The following CNTNAP3B variants were observed in gnomAD, a reference collection of about 807,000 sequenced individuals.
The protein encoded by CNTNAP3B is contactin associated protein family member 3B, also known as contactin-associated protein-like 3B.
In CNTNAP3B, 25 loss-of-function variants were observed where a neutral mutation model predicts 108.9. The observed-to-expected ratio is 0.23, with a 90% confidence interval of 0.17 to 0.32. The LOEUF is 0.32. Ranked by LOEUF, CNTNAP3B falls within the 10% of genes least tolerant of loss-of-function variation. The pLI is 1.00. For missense variants in CNTNAP3B, 252 were observed against 1,210.4 expected, an observed-to-expected ratio of 0.21 and a Z score of 11.75; for synonymous variants, 103 against 473.4, an observed-to-expected ratio of 0.22 and a Z score of 10.16.
intron 12 of CNTNAP3B, among the ~76,000 whole-genome samples, chr9:41,960,511 T>A (rs1426003908): frequency 6.6e-6 from 1 of 152,232 alleles, no homozygotes. Context: ...TATTTTATCA[T>A]GATGCACATG....
intron 1 of CNTNAP3B, among the ~76,000 whole-genome samples, chr9:42,115,899 G>A (rs1266268873): frequency 7.9e-6 from 1 of 127,330 alleles, no homozygotes; most frequent in African/African-American, 3.3e-5. Flanking sequence ...GGTTTCAGAT[G>A]ATCGGTAATA....
chr9:41,935,796 T>C (rs1824139323), intron 14 of CNTNAP3B, among the ~76,000 whole-genome samples: 2 of 152,398 alleles, frequency 1.3e-5, no homozygotes, highest in East Asian at 3.9e-4. Flanking sequence ...AGTTAATTTT[T>C]AAAACCTGCT....
intron 2 of CNTNAP3B, among the ~76,000 whole-genome samples, chr9:42,090,840 TACAC>T (rs200483365): frequency 0.02 from 1,429 of 71,204 alleles, 4 homozygotes; most frequent in East Asian, 0.11. Context: ...TGCAACTGAA[TACAC>T]ACACACACAC....
chr9:42,030,785 ATGT>A (rs1328767723), intron 3 of CNTNAP3B, among the ~76,000 whole-genome samples: 7 of 42,818 alleles, frequency 1.6e-4, no homozygotes, highest in Non-Finnish European at 2.9e-4. Context: ...AGAGAGAGAG[ATGT>A]GTGCGAGAGA....
At chr9:42,032,762 T>C (rs1826543399) in intron 3 of CNTNAP3B, among the ~76,000 whole-genome samples, 2 of 136,932 alleles carry the variant, frequency 1.5e-5, no homozygotes, top group African/African-American at 5.7e-5. Context: ...TAGACACTTA[T>C]TCTCGCACAG....
Position 42,071,516 on chromosome 9 carries a change from T to C in CNTNAP3B, c.390+5353A>G, listed in dbSNP as rs536711674. ...TTTTTATCTAAATAAGGTCAGTTCT[T>C]TATTGAAAATGACTACATTCATATG... On this transcript the variant is annotated intron_variant, in intron 3 of 23. Coordinates refer to ENST00000377561, the MANE Select transcript of CNTNAP3B (RefSeq NM_001201380.3). Among the ~76,000 whole-genome samples, 68 of 137,164 alleles carry C rather than the reference T, an allele frequency of 5.0e-4. 2 individuals are homozygous for C. Among genetic ancestry groups the C allele is most frequent in the South Asian group, 1.2e-3 (5 of 4,344 alleles). 90.0% of individuals were successfully genotyped at this position (137,164 alleles called of 152,430 possible).
At chr9:42,097,654 A>T (rs1209975270) in intron 2 of CNTNAP3B, among the ~76,000 whole-genome samples, 1 of 138,064 alleles carries the variant, frequency 7.2e-6, no homozygotes, top group African/African-American at 2.9e-5. Context: ...GCTGAATTGT[A>T]ATTGATCTTA....
At chr9:41,917,165 G>GT (rs1369370285) in intron 18 of CNTNAP3B, among the ~76,000 whole-genome samples, 2 of 149,258 alleles carry the variant, frequency 1.3e-5, no homozygotes, top group Non-Finnish European at 3.0e-5. Context: ...TTACGTATAT[G>GT]TTGGTGTGCT....
chr9:42,099,054 A>G (rs1479985306), intron 2 of CNTNAP3B, among the ~76,000 whole-genome samples: 4 of 138,680 alleles, frequency 2.9e-5, no homozygotes, highest in Non-Finnish European at 6.2e-5. Flanking sequence ...AGAAATCAGT[A>G]CCTGAGCTTT....
At position 42,116,470 on chromosome 9, in the gene CNTNAP3B, T is replaced by G. The variant is rs1334989395; in HGVS notation, c.86-11731A>C. Among the ~76,000 whole-genome samples the G allele has an allele frequency of 1.5e-5, 2 of 130,978 alleles. 1 individual carries two copies. The highest frequency in any genetic ancestry group is 3.2e-5 in the Non-Finnish European group (2 of 62,680). The allele number at this position is 130,978 out of a possible 152,430, so 85.9% of individuals were successfully genotyped here. ...ATAAAATCCTTTACAGACAAGCAAA[T>G]GCTGAGAGATTCTGTCACCACCAGG... On this transcript the variant is annotated intron_variant, in intron 1 of 23. Coordinates refer to ENST00000377561, the MANE Select transcript of CNTNAP3B (RefSeq NM_001201380.3).
intron 13 of CNTNAP3B, among the ~76,000 whole-genome samples, chr9:41,948,426 A>G (rs1243400117): frequency 6.6e-6 from 1 of 151,914 alleles, no homozygotes; most frequent in Non-Finnish European, 1.5e-5. Flanking sequence ...TAAAAATTAA[A>G]GTCAATTTTA....
rs1269788343 is a variant in CNTNAP3B, at chr9:42,128,071, G to A, written c.85+939C>T. Among the ~76,000 whole-genome samples, 8 of 137,502 alleles carry A rather than the reference G, an allele frequency of 5.8e-5. 1 individual carries two copies. Among genetic ancestry groups the A allele is most frequent in the Admixed American group, 5.8e-4 (8 of 13,780 alleles). 90.2% of individuals were successfully genotyped at this position (137,502 alleles called of 152,430 possible). ...ATAAAAGTGATTTGAGAAGGAGGAG[G>A]AAGACATTTTAAAAATTCTAATCTC... On this transcript the variant is annotated intron_variant, in intron 1 of 23. Transcript: ENST00000377561.
At chr9:41,952,112 T>A (rs1033896618) in intron 13 of CNTNAP3B, among the ~76,000 whole-genome samples, 1 of 152,258 alleles carries the variant, frequency 6.6e-6, no homozygotes, top group Non-Finnish European at 1.5e-5. Flanking sequence ...CAGGGGCTGA[T>A]TGGCCAGACG....
At chr9:42,079,489 T>G (rs1243477923) in intron 2 of CNTNAP3B, among the ~76,000 whole-genome samples, 3 of 121,854 alleles carry the variant, frequency 2.5e-5, no homozygotes, top group Non-Finnish European at 5.1e-5. Flanking sequence ...GTTTTTCTTA[T>G]TACTATTTTA....
At chr9:42,097,992 T>C (rs1827944002) in intron 2 of CNTNAP3B, among the ~76,000 whole-genome samples, 1 of 137,672 alleles carries the variant, frequency 7.3e-6, no homozygotes, top group Admixed American at 7.2e-5. Context: ...ATCATAAGCA[T>C]GAACTGTTTC....
chr9:41,933,284 T>C (rs1274219056), intron 14 of CNTNAP3B, among the ~76,000 whole-genome samples: 1 of 152,286 alleles, frequency 6.6e-6, no homozygotes, highest in Non-Finnish European at 1.5e-5. Flanking sequence ...TTCTAATTAA[T>C]AGACACTAAT....
At chr9:42,055,957 G>A (rs111666112) in intron 3 of CNTNAP3B, among the ~76,000 whole-genome samples, 2,369 of 74,956 alleles carry the variant, frequency 0.032, no homozygotes, top group East Asian at 0.14. Flanking sequence ...AAGAATATTA[G>A]TATCTAGCTC....
Position 41,972,957 on chromosome 9 carries a change from G to T in CNTNAP3B, c.1478-2712C>A, listed in dbSNP as rs1413790009. Among the ~76,000 whole-genome samples, 27 of 39,132 alleles carry T rather than the reference G, an allele frequency of 6.9e-4. 4 individuals carry two copies. Among genetic ancestry groups the T allele is most frequent in the East Asian group, 2.0e-3 (1 of 506 alleles). 25.7% of individuals were successfully genotyped at this position (39,132 alleles called of 152,430 possible). ...TTATCTTTTTTTTTTTTTTTTTTGA[G>T]ACCTGAGTCTCATGCTGTCACCCAG... On this transcript the variant is annotated intron_variant, in intron 9 of 23. Coordinates refer to ENST00000377561, the MANE Select transcript of CNTNAP3B (RefSeq NM_001201380.3).
At chr9:42,066,279 C>T (rs1396829393) in intron 3 of CNTNAP3B, among the ~76,000 whole-genome samples, 3 of 131,218 alleles carry the variant, frequency 2.3e-5, no homozygotes, top group Non-Finnish European at 3.2e-5. Context: ...CTCCTGCCTG[C>T]CAGTGGTATT....
Sources: gnomAD v4.1 joint callset for allele counts (sites outside exome capture counted in the v4.1 genomes callset) on GRCh38, gnomAD v4.1.1 for gene constraint, MANE v1.5 for transcripts, NCBI Gene and HGNC (gene_info 2026-07-23, HGNC 2026-07-21) for gene names.